CSNK2A1: variants seen among roughly 807,000 people sequenced by gnomAD.
The protein encoded by CSNK2A1 is casein kinase 2 alpha 1, also known as casein kinase II subunit alpha.
Under a neutral mutation model 62.9 loss-of-function variants are expected in CSNK2A1, and 10 were observed. The observed-to-expected ratio is 0.16, with a 90% CI of 0.10 to 0.27. The LOEUF is 0.27. Among genes scored for constraint, CSNK2A1 ranks in the 10% least tolerant of loss-of-function variants. The probability of loss-of-function intolerance (pLI) is 1.00; values close to 1 mark genes in which losing one functional copy is unlikely to be tolerated. For missense variants in CSNK2A1, 160 were observed against 492.0 expected (o/e 0.33, Z 6.38); for synonymous variants, 124 against 167.8 (o/e 0.74, Z 2.02).
At chr20:525,228 T>C (rs2019054286) in intron 2 of CSNK2A1, among the ~76,000 whole-genome samples, 1 of 152,142 alleles carries the variant, frequency 6.6e-6, no homozygotes, top group Non-Finnish European at 1.5e-5. Flanking sequence ...TTTATAAACT[T>C]AGGCCAGGTG....
intron 8 of CSNK2A1, chr20:495,475 G>A (rs553102283): frequency 2.4e-5 from 10 of 422,306 alleles, no homozygotes; most frequent in Non-Finnish European, 3.0e-5. Flanking sequence ...GAGAAGCCAC[G>A]TTTCCGGGCT....
intron 2 of CSNK2A1, chr20:510,130 G>T (rs951985519): frequency 4.0e-5 from 6 of 151,768 alleles, no homozygotes; most frequent in Non-Finnish European, 7.4e-5. Context: ...GTAAATTTGT[G>T]AAGTTGGTAC....
intron 2 of CSNK2A1, among the ~76,000 whole-genome samples, chr20:522,040 G>A (rs975641983): frequency 6.6e-6 from 1 of 152,218 alleles, no homozygotes; most frequent in African/African-American, 2.4e-5. Flanking sequence ...GAGGTGAGCA[G>A]CGGGAGTCAC....
Position 475,565 on chromosome 20 carries a change from G to C in CSNK2A1, c.*8396C>G, listed in dbSNP as rs1171805774. On this transcript the variant is annotated 3_prime_UTR_variant, in exon 14 of 14. Coordinates refer to ENST00000217244, the MANE Select transcript of CSNK2A1 (RefSeq NM_177559.3). ...CTGTTCCTACTGATATATATGAATA[G>C]TATGGCTGATTGCATTATTGGTTTG... 6.6e-6 allele frequency: 1 copy of C among 151,646 alleles called. No homozygotes were observed. Among genetic ancestry groups the C allele is most frequent in the African/African-American group, 2.4e-5 (1 of 41,222 alleles). 9.4% of individuals were successfully genotyped at this position (151,646 alleles called of 1,614,324 possible).
chr20:492,276 G>A lies in CSNK2A1; in HGVS notation c.599C>T (p.Pro200Leu), dbSNP rs2018251765. The change falls in exon 9 of 14, where the codon CCT becomes CTT. Residue 200 changes from proline (P) to leucine (L), a missense_variant. Physicochemically the swap from Pro to Leu is moderately conservative, Grantham distance 98. Coordinates refer to ENST00000217244, the MANE Select transcript of CSNK2A1 (RefSeq NM_177559.3). Reference protein sequence around the residue: ...VRVASRYFKGPELLVDYQMYD... With the variant: ...VRVASRYFKGLELLVDYQMYD... ...TACCTGATAGTCTACAAGTAGCTCA[G>A]GACCTTTGAAGTATCGGGAAGCAAC... 6.2e-7 allele frequency: 1 copy of A among 1,613,714 alleles called. No homozygotes were observed. The highest frequency in any genetic ancestry group is 1.3e-5 in the African/African-American group (1 of 74,840).
rs1022483881 is a variant in CSNK2A1, at chr20:479,810, C to T, written c.*4151G>A. The T allele has an allele frequency of 6.6e-6, 1 of 152,170 alleles. No homozygotes were observed. Among genetic ancestry groups the T allele is most frequent in the Non-Finnish European group, 1.5e-5 (1 of 68,026 alleles). 9.4% of individuals were successfully genotyped at this position (152,170 alleles called of 1,614,324 possible). A position where few individuals can be genotyped will look rare whatever the true frequency, so the allele number is the denominator to read the frequency against. On this transcript the variant is annotated 3_prime_UTR_variant, in exon 14 of 14. Transcript: ENST00000217244. ...GTTGAGCATTTCTAATTTGAAAATA[C>T]AAAATCCTCAAAAATCTGAAATTTT...
chr20:490,353 G>GTTTTTTTTTTTTTTTTTTTTTTTTTT (rs373775413), intron 9 of CSNK2A1, among the ~76,000 whole-genome samples: 1 of 53,496 alleles, frequency 1.9e-5, no homozygotes, highest in African/African-American at 1.1e-4. Context: ...TTTTTTTTTA[G>GTTTTTTTTTTTTTTTTTTTTTTTTTT]TTTTTTTTTT....
At chr20:529,895 G>C (rs1478918445) in intron 1 of CSNK2A1, among the ~76,000 whole-genome samples, 1 of 152,132 alleles carries the variant, frequency 6.6e-6, no homozygotes, top group Non-Finnish European at 1.5e-5. Context: ...GCATCCACTG[G>C]GGATCTTGGA....
At chr20:503,775 G>C (rs1230345398) in intron 4 of CSNK2A1, 1 of 397,958 alleles carries the variant, frequency 2.5e-6, no homozygotes, top group African/African-American at 2.1e-5. Context: ...GCAGCAACAG[G>C]TCTACATAAC....
chr20:532,166 T>C (rs914300429), intron 1 of CSNK2A1, among the ~76,000 whole-genome samples: 8 of 152,002 alleles, frequency 5.3e-5, no homozygotes, highest in African/African-American at 9.7e-5. Context: ...TCTAAACTTT[T>C]AACTTTTTTT....
intron 3 of CSNK2A1, among the ~76,000 whole-genome samples, chr20:505,438 C>T (rs569138213): frequency 2.7e-3 from 384 of 142,304 alleles, no homozygotes; most frequent in African/African-American, 9.4e-3. Context: ...CTGCTGACTG[C>T]CAGCTCCACC....
chr20:492,360 C>T lies in CSNK2A1; in HGVS notation c.515G>A (p.Arg172Gln). The change falls in exon 9 of 14, where the codon CGA becomes CAA. Residue 172 changes from arginine (R) to glutamine (Q), a missense_variant. Physicochemically the swap from Arg to Gln is conservative, Grantham distance 43. Around this residue, in one of 3 missense-constraint regions of CSNK2A1, gnomAD observed 94 missense variants for 357.6 expected, o/e 0.26. Coordinates refer to ENST00000217244, the MANE Select transcript of CSNK2A1 (RefSeq NM_177559.3). The part of the protein sequence containing the change: ...VMIDHEHRKL[R>Q]LIDWGLAEFY... ...CTCAGCCAAACCCCAGTCTATTAGT[C>T]GTAGCTGAAAAAGAATAAACCATGA... 6.2e-7 allele frequency: 1 copy of T among 1,613,930 alleles called. No individual in the cohort carries two copies.
chr20:521,642 A>G (rs946032058), intron 2 of CSNK2A1, among the ~76,000 whole-genome samples: 2 of 152,256 alleles, frequency 1.3e-5, no homozygotes, highest in African/African-American at 4.8e-5. Flanking sequence ...TTGTGAAAAA[A>G]CAGAAACAAC....
chr20:508,283 T>C, intron 3 of CSNK2A1, 168 bp downstream of exon 3: 1 of 609,686 alleles, frequency 1.6e-6, no homozygotes, highest in Non-Finnish European at 2.8e-6. Flanking sequence ...GCAACTCTGC[T>C]TCCTCACTGC....
At position 479,618 on chromosome 20, in the gene CSNK2A1, C is replaced by T. The variant is rs2017914686; in HGVS notation, c.*4343G>A. 1 of 152,186 alleles carries T rather than the reference C, an allele frequency of 6.6e-6. No homozygotes were observed. Among genetic ancestry groups the T allele is most frequent in the African/African-American group, 2.4e-5 (1 of 41,432 alleles). 9.4% of individuals were successfully genotyped at this position (152,186 alleles called of 1,614,324 possible). A position where few individuals can be genotyped will look rare whatever the true frequency, so the allele number is the denominator to read the frequency against. On this transcript the variant is annotated 3_prime_UTR_variant, in exon 14 of 14. Coordinates refer to ENST00000217244, the MANE Select transcript of CSNK2A1 (RefSeq NM_177559.3). Reference sequence around the variant, plus strand: ...ACAGAACTCTGTTAGAGGTAGACCACTTGCAGTAACATTACATTGCTTCTC... The same window carrying T: ...ACAGAACTCTGTTAGAGGTAGACCATTTGCAGTAACATTACATTGCTTCTC...
intron 1 of CSNK2A1, chr20:541,178 G>C (rs1000270290): frequency 6.6e-6 from 1 of 152,068 alleles, no homozygotes; most frequent in Admixed American, 6.5e-5. Flanking sequence ...ATCCCAGTTG[G>C]AGAAAGTTCT....
rs374333055 is a variant in CSNK2A1, at chr20:528,025, C to T, written c.-202G>A. The T allele has an allele frequency of 2.6e-5, 4 of 152,148 alleles. No individual in the cohort carries two copies. Among genetic ancestry groups the T allele is most frequent in the African/African-American group, 9.7e-5 (4 of 41,406 alleles). 9.4% of individuals were successfully genotyped at this position (152,148 alleles called of 1,614,324 possible). ...TGCATGATTTACCATGTGATGAGCACACTGCTTGACAAGCCTTGATAGAGC... is the reference window on the plus strand; with the variant it reads ...TGCATGATTTACCATGTGATGAGCATACTGCTTGACAAGCCTTGATAGAGC... On this transcript the variant is annotated 5_prime_UTR_variant, in exon 2 of 14. It adds an upstream start codon to the 5' untranslated region. Transcript: ENST00000217244.
intron 11 of CSNK2A1, 185 bp from the exon 12 acceptor site, chr20:487,760 C>T: frequency 1.4e-6 from 1 of 699,210 alleles, no homozygotes; most frequent in Non-Finnish European, 2.3e-6. Context: ...AGACTGGAAA[C>T]AACATAGCTA....
At chr20:485,115 T>TAATAATAATAATAATA (rs1568496757) in intron 13 of CSNK2A1, among the ~76,000 whole-genome samples, 5 of 49,012 alleles carry the variant, frequency 1.0e-4, no homozygotes, top group African/African-American at 4.5e-4. Flanking sequence ...AAAAAATATA[T>TAATAATAATAATAATA]ATATATATAT....
Sources: gnomAD v4.1 joint callset for allele counts (sites outside exome capture counted in the v4.1 genomes callset) on GRCh38, gnomAD v4.1.1 for gene constraint, gnomAD v4.1.1 regional missense constraint, MANE v1.5 for transcripts, NCBI Gene and HGNC (gene_info 2026-07-23, HGNC 2026-07-21) for gene names.